The following CUBN variants were observed in gnomAD, a reference collection of about 807,000 sequenced individuals.
CUBN encodes 460 kDa receptor.
Under a neutral mutation model 405.3 loss-of-function variants are expected in CUBN, and 282 were observed. The observed-to-expected ratio is 0.70, with a 90% CI of 0.63 to 0.77. CUBN has a LOEUF of 0.77. CUBN is among the 30% of genes least tolerant of loss of function. CUBN has a pLI of 0.00. For synonymous variants in CUBN, 1,684 were observed against 1,617.0 expected (o/e 1.04, Z -0.99); for missense variants, 4,514 against 4,475.2 (o/e 1.01, Z -0.25).
At chr10:16,941,444 G>C (rs1260199368) in intron 36 of CUBN, among the ~76,000 whole-genome samples, 1 of 152,076 alleles carries the variant, frequency 6.6e-6, no homozygotes, top group African/African-American at 2.4e-5. Context: ...TTGTGACCTT[G>C]GGATGGGCAA....
At chr10:16,844,868 A>T (rs1314835801) in intron 60 of CUBN, among the ~76,000 whole-genome samples, 1 of 135,024 alleles carries the variant, frequency 7.4e-6, no homozygotes, top group Non-Finnish European at 1.6e-5. Context: ...AAACTGGGAT[A>T]TAAATGGTGC....
At position 16,928,112 on chromosome 10, in the gene CUBN, A is replaced by T. The variant is rs770857335; in HGVS notation, c.6271+45T>A. ...AAGAGAGAAAGAGAGAGGAAAAGAG[A>T]GGAGATGAGATAACATGGGATTAAA... On this transcript the variant is annotated intron_variant, in intron 41 of 66. Transcript: ENST00000377833. 4 of 1,591,606 alleles carry T rather than the reference A, an allele frequency of 2.5e-6. No homozygotes were observed. In the East Asian group the frequency reaches 6.7e-5, roughly 27 times the overall value.
At position 16,909,548 on chromosome 10, in the gene CUBN, T is replaced by C. The variant is rs1176806900; in HGVS notation, c.7534-1869A>G. 1.2e-4 allele frequency among the ~76,000 whole-genome samples: 18 copies of C among 152,196 alleles called. No individual in the cohort carries two copies. The East Asian group carries it at 1.3e-3, about 11-fold the overall frequency. ...GCTGAAAACAGGAATGGGCACCACA[T>C]TGATGGAATCAAAAGGGATTAGAAC... On this transcript the variant is annotated intron_variant, in intron 48 of 66. Transcript: ENST00000377833.
intron 15 of CUBN, among the ~76,000 whole-genome samples, chr10:17,087,168 G>A (rs1045764932): frequency 1.8e-4 from 27 of 152,198 alleles, no homozygotes; most frequent in South Asian, 4.2e-4. Flanking sequence ...TTGGAAATGC[G>A]TATTGTCTTT....
chr10:17,064,665 G>T (rs1324723993), intron 22 of CUBN, among the ~76,000 whole-genome samples: 1 of 152,152 alleles, frequency 6.6e-6, no homozygotes, highest in African/African-American at 2.4e-5. Context: ...AGGGAAACAT[G>T]AGCCTAACGA....
chr10:16,889,481 C>A (rs566000406), intron 55 of CUBN, among the ~76,000 whole-genome samples: 5 of 152,156 alleles, frequency 3.3e-5, no homozygotes, highest in African/African-American at 1.2e-4. Context: ...ACATTTCCCA[C>A]GAATCTAATA....
intron 59 of CUBN, among the ~76,000 whole-genome samples, chr10:16,864,763 G>A (rs963172605): frequency 6.8e-6 from 1 of 147,972 alleles, no homozygotes; most frequent in Non-Finnish European, 1.5e-5. Context: ...CGATTCTCCT[G>A]CCTCAGCCTC....
chr10:16,841,757 C>G (rs1417165803), intron 60 of CUBN, among the ~76,000 whole-genome samples: 1 of 151,926 alleles, frequency 6.6e-6, no homozygotes, highest in African/African-American at 2.4e-5. Context: ...ACTCACATAT[C>G]CCCAACTCGG....
chr10:17,100,201 G>C lies in CUBN; in HGVS notation c.1569C>G (p.Ser523=), dbSNP rs202118604. 1.2e-6 allele frequency: 2 copies of C among 1,613,790 alleles called. No homozygotes were observed. The highest frequency in any genetic ancestry group is 8.5e-7 in the Non-Finnish European group (1 of 1,179,780). ...GAAACTCGTGTGGACAGTTGTCCAT[G>C]GATTCTAACCGGAAAAAAGTGAAAG... ...RITFTFFRLE[S]MDNCPHEFLQ... The change falls in exon 14 of 67, where the codon TCC becomes TCG. Residue 523 remains serine, a synonymous_variant. Transcript: ENST00000377833.
At chr10:17,065,688 T>G (rs1453011955) in intron 21 of CUBN, 50 bp from the exon 22 acceptor site, 1 of 1,607,996 alleles carries the variant, frequency 6.2e-7, no homozygotes, top group Non-Finnish European at 8.5e-7. Context: ...TTTGGTATAC[T>G]GAAAATGATG....
At chr10:16,945,167 CA>C (rs1331291730) in intron 36 of CUBN, among the ~76,000 whole-genome samples, 1 of 151,240 alleles carries the variant, frequency 6.6e-6, no homozygotes, top group African/African-American at 2.4e-5. Context: ...GAGCAGTCAA[CA>C]ATGTGAATGT....
At chr10:16,839,784 C>G (rs1839285042) in intron 62 of CUBN, among the ~76,000 whole-genome samples, 1 of 151,772 alleles carries the variant, frequency 6.6e-6, no homozygotes, top group South Asian at 2.1e-4. Context: ...TATTGCGGCA[C>G]TATTCACAAT....
chr10:16,833,566 C>T (rs988631775), intron 64 of CUBN, among the ~76,000 whole-genome samples: 1 of 152,142 alleles, frequency 6.6e-6, no homozygotes, highest in African/African-American at 2.4e-5. Context: ...AACACCCTTC[C>T]TGGCCAGGCT....
At chr10:16,880,719 A>C (rs1053555159) in intron 56 of CUBN, among the ~76,000 whole-genome samples, 1 of 152,246 alleles carries the variant, frequency 6.6e-6, no homozygotes, top group Non-Finnish European at 1.5e-5. Flanking sequence ...AAATCATTTT[A>C]AGAATACATT....
At chr10:16,929,110 GT>G (rs141629772) in intron 40 of CUBN, among the ~76,000 whole-genome samples, 8 of 152,024 alleles carry the variant, frequency 5.3e-5, no homozygotes, top group Admixed American at 3.9e-4. Flanking sequence ...TGCCAGTGGG[GT>G]TTTTTTAAAC....
At chr10:16,873,153 T>G (rs1410412476) in intron 58 of CUBN, among the ~76,000 whole-genome samples, 1 of 152,192 alleles carries the variant, frequency 6.6e-6, no homozygotes, top group Non-Finnish European at 1.5e-5. Flanking sequence ...CCATCAGGCT[T>G]CTGTATGGAA....
intron 60 of CUBN, among the ~76,000 whole-genome samples, chr10:16,849,784 A>T (rs1052685749): frequency 6.6e-6 from 1 of 152,140 alleles, no homozygotes; most frequent in African/African-American, 2.4e-5. Context: ...GAGCCCTCCC[A>T]GCCTCCTCTC....
intron 27 of CUBN, among the ~76,000 whole-genome samples, chr10:17,035,912 A>G (rs1834887244): frequency 6.6e-6 from 1 of 151,898 alleles, no homozygotes; most frequent in Admixed American, 6.6e-5. Context: ...TGATGAAATG[A>G]TCTGTGCAAC....
At chr10:17,025,585 C>T (rs1176935106) in intron 27 of CUBN, among the ~76,000 whole-genome samples, 2 of 152,188 alleles carry the variant, frequency 1.3e-5, no homozygotes, top group East Asian at 1.9e-4. Flanking sequence ...TACTCTAACT[C>T]TTTGTCAGAG....
Sources: gnomAD v4.1 joint callset for allele counts (sites outside exome capture counted in the v4.1 genomes callset) on GRCh38, gnomAD v4.1.1 for gene constraint, MANE v1.5 for transcripts, NCBI Gene and HGNC (gene_info 2026-07-23, HGNC 2026-07-21) for gene names.